SGCZ: variants seen among roughly 807,000 people sequenced by gnomAD.
SGCZ encodes sarcoglycan zeta, also known as zeta-sarcoglycan.
In SGCZ, 40 loss-of-function variants were observed where a neutral mutation model predicts 41.3. The observed-to-expected ratio is 0.97, with a 90% confidence interval of 0.75 to 1.26. The LOEUF is 1.26. SGCZ is among the 50% of genes most tolerant of loss of function. The probability of loss-of-function intolerance (pLI) is 0.00; values close to 1 mark genes in which losing one functional copy is unlikely to be tolerated. For missense variants in SGCZ, 552 were observed against 369.8 expected (o/e 1.49, Z -4.04); for synonymous variants, 206 against 137.5 (o/e 1.50, Z -3.49).
chr8:14,689,298 A>G (rs1808722918), intron 1 of SGCZ, among the ~76,000 whole-genome samples: 1 of 152,156 alleles, frequency 6.6e-6, no homozygotes, highest in Admixed American at 6.6e-5. Flanking sequence ...TGGTAAAATC[A>G]CAGGCATTTG....
chr8:14,630,386 G>C (rs745820899), intron 1 of SGCZ, among the ~76,000 whole-genome samples: 51 of 152,106 alleles, frequency 3.4e-4, no homozygotes, highest in Non-Finnish European at 5.3e-4. Flanking sequence ...GCGATGGAGA[G>C]GATGTGGAGA....
intron 1 of SGCZ, among the ~76,000 whole-genome samples, chr8:15,222,032 C>A (rs1457729585): frequency 6.6e-6 from 1 of 152,146 alleles, no homozygotes; most frequent in Non-Finnish European, 1.5e-5. Context: ...TCCTCTTATT[C>A]ACTTTTACTT....
chr8:14,433,957 C>T (rs1800016362), intron 2 of SGCZ, among the ~76,000 whole-genome samples: 1 of 152,176 alleles, frequency 6.6e-6, no homozygotes, highest in African/African-American at 2.4e-5. Flanking sequence ...TTTTACCATG[C>T]AAAAGCTCTT....
chr8:14,753,443 G>A (rs1799561892), intron 1 of SGCZ, among the ~76,000 whole-genome samples: 2 of 152,176 alleles, frequency 1.3e-5, no homozygotes, highest in African/African-American at 4.8e-5. Context: ...ATGTGTAAGA[G>A]ATGTGTTGCT....
chr8:14,581,299 G>T lies in SGCZ; in HGVS notation c.40-26373C>A, dbSNP rs181809124. 6.7e-3 allele frequency among the ~76,000 whole-genome samples: 1,025 copies of T among 152,072 alleles called. 8 individuals are homozygous for T. Among genetic ancestry groups the T allele is most frequent in the South Asian group, 0.02 (95 of 4,808 alleles). On this transcript the variant is annotated intron_variant, in intron 1 of 7. Coordinates refer to ENST00000382080, the MANE Select transcript of SGCZ (RefSeq NM_139167.4). ...ATTTTTGTATTTTTATAGATACGGG[G>T]TTTCCCCATGTTAGCCAGGCTGGTC...
At position 14,278,619 on chromosome 8, in the gene SGCZ, T is replaced by C. The variant is rs1257306239; in HGVS notation, c.337-40940A>G. Among the ~76,000 whole-genome samples the C allele has an allele frequency of 4.6e-5, 7 of 152,186 alleles. No individual in the cohort carries two copies. In the East Asian group the frequency reaches 1.2e-3, roughly 25 times the overall value. ...ATATAACAGATCTCATAGGCTTATATATTCTCTATATTGCTATTTACCTAG... is the reference window on the plus strand; with the variant it reads ...ATATAACAGATCTCATAGGCTTATACATTCTCTATATTGCTATTTACCTAG... On this transcript the variant is annotated intron_variant, in intron 3 of 7. Transcript: ENST00000382080.
At chr8:14,715,617 T>A (rs1333716736) in intron 1 of SGCZ, among the ~76,000 whole-genome samples, 1 of 151,690 alleles carries the variant, frequency 6.6e-6, no homozygotes, top group Non-Finnish European at 1.5e-5. Flanking sequence ...GGCAGGCACA[T>A]GACAAAATAC....
At chr8:15,097,819 T>TGTATATATATAC (rs1563123858) in intron 1 of SGCZ, among the ~76,000 whole-genome samples, 36 of 56,584 alleles carry the variant, frequency 6.4e-4, no homozygotes, top group African/African-American at 2.0e-3. Flanking sequence ...TATATACGTG[T>TGTATATATATAC]GTGTATATAT....
chr8:15,192,959 G>C (rs2117114737), intron 1 of SGCZ, among the ~76,000 whole-genome samples: 1 of 152,150 alleles, frequency 6.6e-6, no homozygotes, highest in South Asian at 2.1e-4. Flanking sequence ...TCATTTTAAA[G>C]TGACATCACA....
At chr8:14,107,096 G>C (rs1286302451) in intron 6 of SGCZ, among the ~76,000 whole-genome samples, 1 of 151,984 alleles carries the variant, frequency 6.6e-6, no homozygotes, top group Non-Finnish European at 1.5e-5. Flanking sequence ...GGCGCCTGTA[G>C]TCCTAGCTAC....
At chr8:14,572,198 G>C (rs887233828) in intron 1 of SGCZ, among the ~76,000 whole-genome samples, 1 of 152,130 alleles carries the variant, frequency 6.6e-6, no homozygotes, top group South Asian at 2.1e-4. Context: ...CTCTCTACCA[G>C]ATAGTTAATG....
chr8:14,394,143 C>CTTTT (rs75054512), intron 2 of SGCZ, among the ~76,000 whole-genome samples: 19 of 117,470 alleles, frequency 1.6e-4, no homozygotes, highest in East Asian at 1.4e-3. Flanking sequence ...CGCCCCCCAC[C>CTTTT]TTTTTTTTTT....
At chr8:15,137,552 C>CA (rs1563145264) in intron 1 of SGCZ, among the ~76,000 whole-genome samples, 1 of 152,110 alleles carries the variant, frequency 6.6e-6, no homozygotes, top group African/African-American at 2.4e-5. Context: ...CTGCTGTGTG[C>CA]AGCCTAGGGA....
chr8:14,993,113 C>T (rs1802080040), intron 1 of SGCZ, among the ~76,000 whole-genome samples: 1 of 152,132 alleles, frequency 6.6e-6, no homozygotes, highest in Non-Finnish European at 1.5e-5. Context: ...ATAATCTTCT[C>T]CCAAATATTA....
chr8:14,475,457 G>A (rs1325560779), intron 2 of SGCZ, among the ~76,000 whole-genome samples: 1 of 150,272 alleles, frequency 6.7e-6, no homozygotes, highest in African/African-American at 2.5e-5. Context: ...ATCCATGCAT[G>A]ATTCATTTTT....
At chr8:14,615,130 T>C (rs1030992626) in intron 1 of SGCZ, among the ~76,000 whole-genome samples, 6 of 152,162 alleles carry the variant, frequency 3.9e-5, no homozygotes, top group African/African-American at 1.4e-4. Flanking sequence ...AGAAACATTA[T>C]GACTGTACTA....
At chr8:14,643,285 G>A (rs969633094) in intron 1 of SGCZ, among the ~76,000 whole-genome samples, 1 of 151,510 alleles carries the variant, frequency 6.6e-6, no homozygotes. Flanking sequence ...TATAATACAT[G>A]CAGACAGTGA....
At chr8:14,259,972 A>C (rs774052189) in intron 3 of SGCZ, among the ~76,000 whole-genome samples, 12 of 152,068 alleles carry the variant, frequency 7.9e-5, no homozygotes, top group Non-Finnish European at 1.5e-5. Context: ...ATTTGTTTGT[A>C]TCCTCTTTTA....
At chr8:14,985,948 T>C (rs1005696382) in intron 1 of SGCZ, among the ~76,000 whole-genome samples, 5 of 152,162 alleles carry the variant, frequency 3.3e-5, no homozygotes, top group African/African-American at 4.8e-5. Context: ...CCAATTACCA[T>C]GAAATTCTGA....
Sources: gnomAD v4.1 joint callset for allele counts (sites outside exome capture counted in the v4.1 genomes callset) on GRCh38, gnomAD v4.1.1 for gene constraint, MANE v1.5 for transcripts, NCBI Gene and HGNC (gene_info 2026-07-23, HGNC 2026-07-21) for gene names.